The following SEMA3A variants were observed in gnomAD, a reference collection of about 807,000 sequenced individuals.
SEMA3A encodes semaphorin 3A, also known as semaphorin-3A.
A neutral mutation model predicts 97.9 loss-of-function variants in SEMA3A; 29 were observed. That is an observed-to-expected ratio of 0.30 (90% CI 0.22 to 0.40). The LOEUF (loss-of-function observed/expected upper bound fraction) is 0.40. SEMA3A is among the 10% of genes least tolerant of loss of function. The probability of loss-of-function intolerance (pLI) is 1.00; values close to 1 mark genes in which losing one functional copy is unlikely to be tolerated. For synonymous variants in SEMA3A, 321 were observed against 323.7 expected, an observed-to-expected ratio of 0.99 and a Z score of 0.09; for missense variants, 763 against 951.3, an observed-to-expected ratio of 0.80 and a Z score of 2.60.
chr7:84,400,419 G>C (rs1282503844), intron 1 of SEMA3A, among the ~76,000 whole-genome samples: 2 of 152,116 alleles, frequency 1.3e-5, no homozygotes, highest in Admixed American at 6.5e-5. Flanking sequence ...ATAAATTTAT[G>C]AGATAAATTT....
chr7:84,389,951 G>A (rs766637583), intron 1 of SEMA3A, among the ~76,000 whole-genome samples: 6 of 151,962 alleles, frequency 3.9e-5, no homozygotes, highest in Non-Finnish European at 4.4e-5. Context: ...TATATTCAAG[G>A]ACACTCAAAA....
At chr7:84,390,103 C>T (rs577408519) in intron 1 of SEMA3A, among the ~76,000 whole-genome samples, 4 of 152,060 alleles carry the variant, frequency 2.6e-5, no homozygotes, top group African/African-American at 9.6e-5. Flanking sequence ...AAATAACAGC[C>T]ACAAGTATCC....
At chr7:84,282,404 T>C (rs1800460667) in intron 3 of SEMA3A, among the ~76,000 whole-genome samples, 1 of 152,320 alleles carries the variant, frequency 6.6e-6, no homozygotes, top group South Asian at 2.1e-4. Context: ...TGTTAGCAAT[T>C]AAATTAATAT....
intron 1 of SEMA3A, among the ~76,000 whole-genome samples, chr7:84,402,495 T>C (rs1300332565): frequency 2.0e-5 from 3 of 152,114 alleles, no homozygotes; most frequent in Admixed American, 6.6e-5. Context: ...CCCAGCTGGG[T>C]ATGTATCCCA....
At chr7:84,471,987 C>T (rs1298233890) in intron 1 of SEMA3A, among the ~76,000 whole-genome samples, 1 of 151,486 alleles carries the variant, frequency 6.6e-6, no homozygotes, top group Non-Finnish European at 1.5e-5. Context: ...TTGCATTGAC[C>T]TGACACTGAT....
intron 1 of SEMA3A, among the ~76,000 whole-genome samples, chr7:84,471,697 G>T (rs1806155059): frequency 6.6e-6 from 1 of 151,998 alleles, no homozygotes. Context: ...TCTAGACCTG[G>T]AATTGCTAGA....
intron 1 of SEMA3A, among the ~76,000 whole-genome samples, chr7:84,464,807 A>G (rs1308157798): frequency 2.6e-5 from 4 of 152,218 alleles, no homozygotes; most frequent in Non-Finnish European, 5.9e-5. Context: ...TGGAAGACAG[A>G]GGTATGAGAA....
chr7:84,128,753 T>G (rs914100397), intron 3 of SEMA3A, among the ~76,000 whole-genome samples: 1 of 152,150 alleles, frequency 6.6e-6, no homozygotes, highest in African/African-American at 2.4e-5. Context: ...TTCAAAATCC[T>G]GAAATCTGCA....
At chr7:84,094,667 C>T (rs1794700461) in intron 4 of SEMA3A, among the ~76,000 whole-genome samples, 1 of 152,002 alleles carries the variant, frequency 6.6e-6, no homozygotes, top group Admixed American at 6.6e-5. Context: ...CATAATATGA[C>T]ACCGATTCTA....
intron 2 of SEMA3A, among the ~76,000 whole-genome samples, chr7:84,354,330 T>TA (rs927559530): frequency 2.0e-5 from 3 of 151,620 alleles, no homozygotes; most frequent in East Asian, 1.9e-4. Flanking sequence ...TTACTCTTAA[T>TA]AAAAAAAGTC....
intron 2 of SEMA3A, among the ~76,000 whole-genome samples, chr7:84,132,476 A>T (rs1795988473): frequency 6.6e-6 from 1 of 151,960 alleles, no homozygotes; most frequent in Non-Finnish European, 1.5e-5. Flanking sequence ...CAGAATATAT[A>T]CTCACAGAAA....
At chr7:84,249,105 T>A (rs1799539810) in intron 3 of SEMA3A, among the ~76,000 whole-genome samples, 1 of 152,204 alleles carries the variant, frequency 6.6e-6, no homozygotes. Flanking sequence ...CTCTGCTGGA[T>A]TGCCAGTCCT....
chr7:84,179,034 A>G (rs1041900625), intron 1 of SEMA3A, among the ~76,000 whole-genome samples: 2 of 151,964 alleles, frequency 1.3e-5, no homozygotes, highest in Admixed American at 1.3e-4. Context: ...TTCTTGACCC[A>G]CTGTGATATC....
intron 2 of SEMA3A, among the ~76,000 whole-genome samples, chr7:84,321,872 G>GAAAAAAAAAAAAAA (rs1156548285): frequency 1.2e-3 from 14 of 12,020 alleles, no homozygotes; most frequent in African/African-American, 1.8e-3. Flanking sequence ...CGAGACTACG[G>GAAAAAAAAAAAAAA]AAAAAAAAAA....
At chr7:84,386,740 C>T (rs1308755816) in intron 1 of SEMA3A, among the ~76,000 whole-genome samples, 1 of 152,108 alleles carries the variant, frequency 6.6e-6, no homozygotes, top group Non-Finnish European at 1.5e-5. Flanking sequence ...AATTATGGGC[C>T]TGTAATCCCA....
chr7:83,958,016 C>A lies in SEMA3A; in HGVS notation c.*3355G>T, dbSNP rs371937182. On this transcript the variant is annotated 3_prime_UTR_variant, in exon 17 of 17. Coordinates refer to ENST00000265362, the MANE Select transcript of SEMA3A (RefSeq NM_006080.3). Reference sequence around the variant, plus strand: ...ATATTAATAAAATGCTTGTCTGTGACCTTTAAGATAAGCAATTTCAATAAC... The same window carrying A: ...ATATTAATAAAATGCTTGTCTGTGAACTTTAAGATAAGCAATTTCAATAAC... 52 of 152,044 alleles carry A rather than the reference C, an allele frequency of 3.4e-4. 1 individual carries two copies. The highest frequency in any genetic ancestry group is 1.2e-3 in the African/African-American group (50 of 41,514). 9.4% of individuals were successfully genotyped at this position (152,044 alleles called of 1,614,324 possible).
intron 1 of SEMA3A, among the ~76,000 whole-genome samples, chr7:84,417,133 T>C (rs921531925): frequency 2.0e-5 from 3 of 152,136 alleles, no homozygotes; most frequent in African/African-American, 7.2e-5. Flanking sequence ...AGAGCAATCT[T>C]GCTCCAACCA....
intron 1 of SEMA3A, among the ~76,000 whole-genome samples, chr7:84,433,518 A>G (rs1179032100): frequency 2.0e-5 from 3 of 152,218 alleles, no homozygotes; most frequent in African/African-American, 7.2e-5. Context: ...GCTATTGTGA[A>G]CAGTGCTGGA....
chr7:84,433,994 T>C (rs2116325112), intron 1 of SEMA3A, among the ~76,000 whole-genome samples: 1 of 152,256 alleles, frequency 6.6e-6, no homozygotes, highest in Admixed American at 6.5e-5. Context: ...ATGGACAGAT[T>C]GTAAAAACTT....
Sources: allele counts gnomAD v4.1 joint callset (sites outside exome capture counted in the v4.1 genomes callset), GRCh38; gene constraint gnomAD v4.1.1; transcripts MANE v1.5; gene names NCBI Gene and HGNC (gene_info 2026-07-23, HGNC 2026-07-21).